The following SLC24A3 variants were observed in gnomAD, a reference collection of about 807,000 sequenced individuals.
SLC24A3 encodes the protein sodium/potassium/calcium exchanger 3.
SLC24A3 carries 28 observed loss-of-function variants against 75.8 expected under a neutral mutation model. The ratio of observed to expected loss-of-function variants is 0.37; its 90% CI spans 0.27 to 0.51. The LOEUF (loss-of-function observed/expected upper bound fraction) is 0.51. Ranked by LOEUF, SLC24A3 falls within the 20% of genes least tolerant of loss-of-function variation. The pLI, the probability that SLC24A3 is intolerant of heterozygous loss-of-function variation, is 0.94. For synonymous variants in SLC24A3, 372 were observed against 334.1 expected (o/e 1.11, Z -1.24); for missense variants, 663 against 847.8 (o/e 0.78, Z 2.71).
chr20:19,617,293 C>T (rs940316619), intron 6 of SLC24A3, among the ~76,000 whole-genome samples: 1 of 152,148 alleles, frequency 6.6e-6, no homozygotes, highest in African/African-American at 2.4e-5. Flanking sequence ...GCTGTGCCAC[C>T]CACCTCTGCT....
intron 6 of SLC24A3, among the ~76,000 whole-genome samples, chr20:19,624,337 G>A (rs2031841455): frequency 6.6e-6 from 1 of 152,166 alleles, no homozygotes; most frequent in Non-Finnish European, 1.5e-5. Flanking sequence ...TTCCTGAGAT[G>A]CCCACTTATC....
intron 1 of SLC24A3, chr20:19,261,896 CA>C (rs1043900703): frequency 5.3e-4 from 80 of 152,334 alleles, no homozygotes; most frequent in Middle Eastern, 3.4e-3. Context: ...GAAAACAATG[CA>C]AAATGCTTGA....
At chr20:19,299,477 A>G (rs1984145789) in intron 2 of SLC24A3, among the ~76,000 whole-genome samples, 1 of 152,190 alleles carries the variant, frequency 6.6e-6, no homozygotes, top group African/African-American at 2.4e-5. Flanking sequence ...AGCTCAAAAC[A>G]GGTCAAATTT....
intron 2 of SLC24A3, among the ~76,000 whole-genome samples, chr20:19,301,675 G>A (rs1984200147): frequency 6.6e-6 from 1 of 152,098 alleles, no homozygotes; most frequent in African/African-American, 2.4e-5. Flanking sequence ...CAGCTATTAA[G>A]TTCTTCCTTG....
At chr20:19,329,572 G>A (rs1984950455) in intron 2 of SLC24A3, among the ~76,000 whole-genome samples, 1 of 152,178 alleles carries the variant, frequency 6.6e-6, no homozygotes, top group African/African-American at 2.4e-5. Context: ...ATGTTTGATT[G>A]TTTTATTCTA....
chr20:19,475,761 T>A (rs990339952), intron 2 of SLC24A3, among the ~76,000 whole-genome samples: 1 of 152,236 alleles, frequency 6.6e-6, no homozygotes, highest in Non-Finnish European at 1.5e-5. Context: ...ATTTTTTCAG[T>A]TTAATTTAAA....
chr20:19,639,750 G>A lies in SLC24A3; in HGVS notation c.613-14312G>A, dbSNP rs576201423. Among the ~76,000 whole-genome samples, 31 of 152,360 alleles carry A rather than the reference G, an allele frequency of 2.0e-4. No individual in the cohort carries two copies. In the East Asian group the frequency reaches 3.9e-3, roughly 19 times the overall value. On this transcript the variant is annotated intron_variant, in intron 6 of 16. Coordinates refer to ENST00000328041, the MANE Select transcript of SLC24A3 (RefSeq NM_020689.4). ...AGTGGGTGGGAGGCTCAGGCATGGC[G>A]GGCTGCAGGTCCCAAGCCCTGCCCC...
chr20:19,449,854 C>T (rs766974638), intron 2 of SLC24A3, among the ~76,000 whole-genome samples: 3 of 152,172 alleles, frequency 2.0e-5, no homozygotes, highest in African/African-American at 2.4e-5. Flanking sequence ...ATTCCAGATA[C>T]GCTTTATCTT....
chr20:19,685,233 G>A lies in SLC24A3; in HGVS notation c.1196G>A (p.Arg399Gln), dbSNP rs75574349. 3.7e-4 allele frequency: 605 copies of A among 1,614,170 alleles called. No homozygotes were observed. In the African/African-American group the frequency reaches 6.3e-3, roughly 17 times the overall value. ...SAPDRGVNGTRRDDVVAEAGN... is the reference protein window; with the variant it reads ...SAPDRGVNGTQRDDVVAEAGN... ...CCAGACAGGGGCGTGAATGGGACAC[G>A]GAGGGACGATGTTGTGGCTGAGGCT... is the stretch of plus-strand genomic sequence containing the variant. Residue 399 changes from arginine (R) to glutamine (Q), a missense_variant, in exon 12 of 17, where the codon CGG becomes CAG. Around this residue, in one of 2 missense-constraint regions of SLC24A3, gnomAD observed 510 missense variants for 703.6 expected, o/e 0.72. Coordinates refer to ENST00000328041, the MANE Select transcript of SLC24A3 (RefSeq NM_020689.4).
At chr20:19,534,474 G>A (rs550975059) in intron 3 of SLC24A3, among the ~76,000 whole-genome samples, 4 of 124,618 alleles carry the variant, frequency 3.2e-5, no homozygotes, top group African/African-American at 5.5e-5. Context: ...GCAGTGGCAC[G>A]ATCTTGGCTC....
rs745745496 is a variant in SLC24A3, at chr20:19,325,795, TAGAGAGAG to T, written c.271+44745_271+44752del. ...ATATATACATATATATATATATATA[TAGAGAGAG>T]AGAGAGAGAGAGAGAGAGAGAGAGA... On this transcript the variant is annotated intron_variant, in intron 2 of 16. Transcript: ENST00000328041. 3.0e-3 allele frequency among the ~76,000 whole-genome samples: 204 copies of T among 67,746 alleles called. 2 individuals are homozygous for T. The highest frequency in any genetic ancestry group is 0.018 in the East Asian group (28 of 1,590). The allele number at this position is 67,746 out of a possible 152,430, so 44.4% of individuals were successfully genotyped here.
intron 8 of SLC24A3, among the ~76,000 whole-genome samples, chr20:19,670,481 T>A (rs1421731960): frequency 6.6e-6 from 1 of 152,164 alleles, no homozygotes; most frequent in African/African-American, 2.4e-5. Flanking sequence ...GGGCTTTTGA[T>A]GAGTAAAAAA....
chr20:19,584,129 A>T (rs1461840379), intron 4 of SLC24A3, among the ~76,000 whole-genome samples: 1 of 152,224 alleles, frequency 6.6e-6, no homozygotes, highest in Non-Finnish European at 1.5e-5. Context: ...TGAATGCAGA[A>T]ATGCAAAATC....
chr20:19,252,169 C>T (rs753083023), intron 1 of SLC24A3, among the ~76,000 whole-genome samples: 5 of 152,090 alleles, frequency 3.3e-5, no homozygotes, highest in African/African-American at 4.8e-5. Flanking sequence ...ACAACCATCT[C>T]GGGCAAATAT....
chr20:19,509,288 A>G (rs944698575), intron 2 of SLC24A3, among the ~76,000 whole-genome samples: 3 of 152,184 alleles, frequency 2.0e-5, no homozygotes, highest in Non-Finnish European at 4.4e-5. Context: ...GTTAGTTCCC[A>G]AATACAGCAA....
intron 6 of SLC24A3, among the ~76,000 whole-genome samples, chr20:19,615,638 A>C (rs2122668719): frequency 6.6e-6 from 1 of 152,140 alleles, no homozygotes; most frequent in South Asian, 2.1e-4. Context: ...TGAGAAATCC[A>C]CTCCCATGTT....
chr20:19,402,361 T>C (rs762737122), intron 2 of SLC24A3, among the ~76,000 whole-genome samples: 7 of 152,150 alleles, frequency 4.6e-5, no homozygotes, highest in Non-Finnish European at 8.8e-5. Context: ...AATGGAGATA[T>C]TAGAACTATT....
At chr20:19,565,768 A>C (rs1482436213) in intron 3 of SLC24A3, among the ~76,000 whole-genome samples, 1 of 152,182 alleles carries the variant, frequency 6.6e-6, no homozygotes, top group Non-Finnish European at 1.5e-5. Flanking sequence ...CAGGTAGGGA[A>C]TTCTGCATCT....
chr20:19,717,458 C>G (rs1029373748), intron 15 of SLC24A3, 70 bp from the exon 16 acceptor site: 40 of 1,559,154 alleles, frequency 2.6e-5, no homozygotes, highest in Non-Finnish European at 3.3e-5. Context: ...AGGCAGATGC[C>G]TTTTCCAAAG....
Sources: gnomAD v4.1 joint callset for allele counts (sites outside exome capture counted in the v4.1 genomes callset) on GRCh38, gnomAD v4.1.1 for gene constraint, gnomAD v4.1.1 regional missense constraint, MANE v1.5 for transcripts, NCBI Gene and HGNC (gene_info 2026-07-23, HGNC 2026-07-21) for gene names.